Variants in MALRD1 observed in about 807,000 individuals in gnomAD.
MALRD1 encodes MAM and LDL receptor class A domain containing 1, also known as MAM and LDL-receptor class A domain-containing protein 1.
MALRD1 carries 247 observed loss-of-function variants against 242.1 expected under a neutral mutation model. The observed-to-expected ratio is 1.02, with a 90% CI of 0.92 to 1.13. The LOEUF is 1.13. Ranked by LOEUF, MALRD1 falls within the 50% of genes most tolerant of loss-of-function variation. The pLI is 0.00. For missense variants in MALRD1, 2,989 were observed against 2,533.1 expected (o/e 1.18, Z -3.86); for synonymous variants, 995 against 866.6 (o/e 1.15, Z -2.60).
At chr10:19,300,978 C>T (rs1327680225) in intron 21 of MALRD1, among the ~76,000 whole-genome samples, 1 of 151,976 alleles carries the variant, frequency 6.6e-6, no homozygotes, top group East Asian at 1.9e-4. Flanking sequence ...GGCCTAACTT[C>T]CAGAATCTAT....
At chr10:19,259,418 A>C (rs554588004) in intron 19 of MALRD1, among the ~76,000 whole-genome samples, 1 of 152,162 alleles carries the variant, frequency 6.6e-6, no homozygotes. Flanking sequence ...ACAGTTCTAC[A>C]TGGCTGTGAG....
chr10:19,220,938 G>A (rs1023253192), intron 18 of MALRD1, among the ~76,000 whole-genome samples: 1 of 152,038 alleles, frequency 6.6e-6, no homozygotes, highest in Non-Finnish European at 1.5e-5. Context: ...ATATGATGTA[G>A]GCCTGAGGAA....
At chr10:19,681,899 A>G (rs756052012) in intron 36 of MALRD1, among the ~76,000 whole-genome samples, 4 of 140,132 alleles carry the variant, frequency 2.9e-5, no homozygotes, top group Non-Finnish European at 4.5e-5. Flanking sequence ...TGCTGTTTCC[A>G]GGCTGGATTG....
At chr10:19,602,567 T>C (rs2131580280) in intron 34 of MALRD1, among the ~76,000 whole-genome samples, 1 of 152,190 alleles carries the variant, frequency 6.6e-6, no homozygotes, top group African/African-American at 2.4e-5. Flanking sequence ...GGTGTATATG[T>C]GTCACATTTT....
chr10:19,321,288 G>T (rs1842907627), intron 21 of MALRD1, among the ~76,000 whole-genome samples: 1 of 152,076 alleles, frequency 6.6e-6, no homozygotes, highest in Non-Finnish European at 1.5e-5. Flanking sequence ...TTGGGAATGT[G>T]TTGGGATTTC....
intron 31 of MALRD1, 126 bp downstream of exon 31, chr10:19,498,772 GA>G (rs1353193982): frequency 8.8e-7 from 1 of 1,134,166 alleles, no homozygotes; most frequent in Non-Finnish European, 1.2e-6. Flanking sequence ...AGGTTTTATG[GA>G]AAGAGGGCTA....
At chr10:19,483,588 G>A (rs1837110789) in intron 29 of MALRD1, among the ~76,000 whole-genome samples, 1 of 152,140 alleles carries the variant, frequency 6.6e-6, no homozygotes, top group South Asian at 2.1e-4. Context: ...AAGCCACAAT[G>A]AGATACCATT....
At chr10:19,660,799 C>G (rs912255375) in intron 36 of MALRD1, among the ~76,000 whole-genome samples, 2 of 152,124 alleles carry the variant, frequency 1.3e-5, no homozygotes, top group African/African-American at 4.8e-5. Context: ...CTCATCGTTC[C>G]TCAAATAACT....
At chr10:19,302,667 C>T (rs1842005392) in intron 21 of MALRD1, among the ~76,000 whole-genome samples, 1 of 151,574 alleles carries the variant, frequency 6.6e-6, no homozygotes, top group African/African-American at 2.4e-5. Context: ...TCAAAATGTC[C>T]TGGAATTTAA....
chr10:19,536,323 A>G (rs560007841), intron 32 of MALRD1, among the ~76,000 whole-genome samples: 2 of 149,662 alleles, frequency 1.3e-5, no homozygotes, highest in East Asian at 2.0e-4. Flanking sequence ...CTCCCATAGA[A>G]CATGCCAGAA....
At chr10:19,325,882 G>A (rs1276241312) in intron 22 of MALRD1, among the ~76,000 whole-genome samples, 5 of 152,184 alleles carry the variant, frequency 3.3e-5, no homozygotes, top group Non-Finnish European at 5.9e-5. Flanking sequence ...TACGTTTTCC[G>A]AAAGGTTGAT....
intron 25 of MALRD1, among the ~76,000 whole-genome samples, chr10:19,350,226 G>A (rs180965309): frequency 6.6e-6 from 1 of 151,376 alleles, no homozygotes; most frequent in Admixed American, 6.6e-5. Context: ...CCATGTAGAG[G>A]GTGATGAGAG....
Position 19,731,691 on chromosome 10 carries a change from G to C in MALRD1, c.6390+910G>C, listed in dbSNP as rs553571915. Among the ~76,000 whole-genome samples the C allele has an allele frequency of 2.0e-5, 3 of 152,140 alleles. No individual in the cohort carries two copies. In the South Asian group the frequency reaches 6.2e-4, roughly 32 times the overall value. On this transcript the variant is annotated intron_variant, in intron 39 of 39. Transcript: ENST00000454679. The stretch of plus-strand genomic sequence containing the variant: ...ATTTTCCCATTCCTTTCTTAAGTAA[G>C]TGTTATGAGAATTCATCTGGATATA...
intron 38 of MALRD1, among the ~76,000 whole-genome samples, chr10:19,694,457 C>G (rs1039642077): frequency 2.6e-5 from 4 of 152,126 alleles, no homozygotes; most frequent in African/African-American, 9.7e-5. Context: ...ATGCAGCCAA[C>G]AGACACATGA....
At chr10:19,546,541 GTCCTTGGATTAATTA>G (rs1466852714) in intron 32 of MALRD1, among the ~76,000 whole-genome samples, 1 of 152,180 alleles carries the variant, frequency 6.6e-6, no homozygotes, top group African/African-American at 2.4e-5. Flanking sequence ...CTCTTCTGGA[GTCCTTGGATTAATTA>G]CCAGATGGTG....
At chr10:19,657,464 A>G (rs1841209302) in intron 36 of MALRD1, among the ~76,000 whole-genome samples, 2 of 152,194 alleles carry the variant, frequency 1.3e-5, no homozygotes, top group Admixed American at 6.6e-5. Flanking sequence ...CAGGAAACCC[A>G]GTCAAGAAGG....
At chr10:19,300,338 C>T (rs1841888134) in intron 21 of MALRD1, among the ~76,000 whole-genome samples, 1 of 151,916 alleles carries the variant, frequency 6.6e-6, no homozygotes, top group Non-Finnish European at 1.5e-5. Context: ...TTGTCAATGA[C>T]ATTTTTCACA....
At chr10:19,489,933 G>A (rs1394463442) in intron 29 of MALRD1, among the ~76,000 whole-genome samples, 1 of 152,148 alleles carries the variant, frequency 6.6e-6, no homozygotes, top group African/African-American at 2.4e-5. Context: ...ACTGTGCTGT[G>A]AAAGGTCAAA....
At chr10:19,213,395 C>T (rs777954124) in intron 18 of MALRD1, among the ~76,000 whole-genome samples, 50 of 152,020 alleles carry the variant, frequency 3.3e-4, no homozygotes, top group African/African-American at 1.1e-3. Context: ...TACTATGCCC[C>T]GCTAATTTTT....
Sources: gnomAD v4.1 joint callset for allele counts (sites outside exome capture counted in the v4.1 genomes callset) on GRCh38, gnomAD v4.1.1 for gene constraint, MANE v1.5 for transcripts, NCBI Gene and HGNC (gene_info 2026-07-23, HGNC 2026-07-21) for gene names.